NLRP5: variants seen among roughly 807,000 people sequenced by gnomAD.
The protein encoded by NLRP5 is NLR family pyrin domain containing 5, also known as NACHT, LRR and PYD domains-containing protein 5.
Under a neutral mutation model 113.1 loss-of-function variants are expected in NLRP5, and 93 were observed. The observed-to-expected ratio is 0.82, with a 90% CI of 0.70 to 0.98. NLRP5 has a LOEUF of 0.98. Among genes scored for constraint, NLRP5 ranks in the 50% least tolerant of loss-of-function variants. The pLI, the probability that NLRP5 is intolerant of heterozygous loss-of-function variation, is 0.00. For missense variants in NLRP5, 1,808 were observed against 1,514.3 expected (o/e 1.19, Z -3.22); for synonymous variants, 751 against 600.7 (o/e 1.25, Z -3.66).
chr19:56,037,114 A>T (rs1983346134), intron 9 of NLRP5, among the ~76,000 whole-genome samples: 1 of 152,182 alleles, frequency 6.6e-6, no homozygotes, highest in African/African-American at 2.4e-5. Context: ...ACTGAGTTGC[A>T]GAGATGCTAA....
intron 6 of NLRP5, among the ~76,000 whole-genome samples, chr19:56,022,230 C>T (rs1191540105): frequency 6.6e-6 from 1 of 152,156 alleles, no homozygotes; most frequent in Non-Finnish European, 1.5e-5. Context: ...CCACTCCACC[C>T]CTTTTTTGAA....
intron 2 of NLRP5, among the ~76,000 whole-genome samples, chr19:56,005,574 T>C (rs867351445): frequency 1.5e-5 from 2 of 129,712 alleles, no homozygotes; most frequent in African/African-American, 6.0e-5. Context: ...TATATATTTA[T>C]ACACACACGC....
In NLRP5 at chr19:56,042,080, C is replaced by T. The variant is rs10419303; in HGVS notation, c.2957+988C>T. Among the ~76,000 whole-genome samples, 385 of 152,280 alleles carry T rather than the reference C, an allele frequency of 2.5e-3. 1 individual carries two copies. The highest frequency in any genetic ancestry group is 8.9e-3 in the African/African-American group (371 of 41,566). On this transcript the variant is annotated intron_variant, in intron 11 of 14. Transcript: ENST00000390649. The stretch of plus-strand genomic sequence containing the variant: ...TCAGTTCAGCCTCCACTGGGAGCAA[C>T]GTGTGTCTGGAGACTCAAGTTCTTC...
intron 11 of NLRP5, among the ~76,000 whole-genome samples, chr19:56,043,542 CTTTTTTTTTTTTTTTTTTTTTTTTTTT>C (rs369622191): frequency 1.1e-5 from 1 of 92,920 alleles, no homozygotes; most frequent in Non-Finnish European, 2.0e-5. Context: ...CTCTGCTATT[CTTTTTTTTTTTTTTTTTTTTTTTTTTT>C]TTTTTTTTTT....
Position 56,006,226 on chromosome 19 carries a change from G to A in NLRP5, c.442+2131G>A, listed in dbSNP as rs146838444. Among the ~76,000 whole-genome samples the A allele has an allele frequency of 9.1e-4, 139 of 152,184 alleles. 1 individual carries two copies. Among genetic ancestry groups the A allele is most frequent in the African/African-American group, 2.9e-3 (122 of 41,516 alleles). ...CACTCATAGGTGGGAATTGAACAAT[G>A]AAAACGCTTGGACACAGGAAGGGGA... On this transcript the variant is annotated intron_variant, in intron 2 of 14. Coordinates refer to ENST00000390649, the MANE Select transcript of NLRP5 (RefSeq NM_153447.4).
chr19:56,000,962 A>G (rs988251573), intron 1 of NLRP5, among the ~76,000 whole-genome samples: 2 of 151,976 alleles, frequency 1.3e-5, no homozygotes, highest in Admixed American at 1.3e-4. Flanking sequence ...AGTAGAGATC[A>G]TGCCACTACA....
chr19:56,026,846 G>A, intron 6 of NLRP5, 67 bp from the exon 7 acceptor site: 1 of 1,480,938 alleles, frequency 6.8e-7, no homozygotes, highest in Non-Finnish European at 9.1e-7. Flanking sequence ...ACAGTGCTGG[G>A]ATGACAGGTG....
At chr19:56,001,309 C>G (rs1599874997) in intron 1 of NLRP5, among the ~76,000 whole-genome samples, 1 of 131,792 alleles carries the variant, frequency 7.6e-6, no homozygotes, top group South Asian at 2.5e-4. Context: ...TGGGCAACAG[C>G]AAGACTCAGT....
At chr19:56,024,529 A>ATATG (rs1491383351) in intron 6 of NLRP5, among the ~76,000 whole-genome samples, 6 of 53,224 alleles carry the variant, frequency 1.1e-4, no homozygotes, top group Admixed American at 7.3e-4. Flanking sequence ...GTATATGTAT[A>ATATG]CATATGTATA....
upstream of NLRP5, among the ~76,000 whole-genome samples, chr19:55,998,714 G>GTGTGTATATATATATATGTGTA (rs796632835): frequency 3.1e-3 from 235 of 75,950 alleles, 7 homozygotes; most frequent in East Asian, 0.085. Flanking sequence ...GTGTGTGTGT[G>GTGTGTATATATATATATGTGTA]TATATATATA....
At chr19:55,999,686 C>G (rs1167668278), upstream of NLRP5, 1 of 1,484,268 alleles carries the variant, frequency 6.7e-7, no homozygotes, top group East Asian at 2.3e-5. Context: ...GAGGAGAGCC[C>G]AGCCTTCGAT....
chr19:56,038,922 C>G (rs895497584), intron 10 of NLRP5, among the ~76,000 whole-genome samples: 2 of 152,166 alleles, frequency 1.3e-5, no homozygotes, highest in East Asian at 3.9e-4. Flanking sequence ...GTGATCCTCC[C>G]GTCTTGGCCT....
At chr19:56,013,601 T>TTTTTTG (rs1982292756) in intron 3 of NLRP5, among the ~76,000 whole-genome samples, 2 of 132,454 alleles carry the variant, frequency 1.5e-5, no homozygotes, top group East Asian at 2.4e-4. Context: ...TTTGGGTTTT[T>TTTTTTG]TTTTTTTTTT....
intron 11 of NLRP5, among the ~76,000 whole-genome samples, chr19:56,049,698 A>AT (rs955427812): frequency 7.1e-4 from 107 of 151,744 alleles, no homozygotes; most frequent in African/African-American, 1.8e-3. Context: ...AAGTTTCCTG[A>AT]TTTTTTTTTA....
At chr19:56,029,215 GGTGA>G (rs202126197) in intron 7 of NLRP5, among the ~76,000 whole-genome samples, 2,326 of 140,996 alleles carry the variant, frequency 0.016, 61 homozygotes, top group African/African-American at 0.053. Flanking sequence ...TCTGAAACAT[GGTGA>G]GTGAGACTGT....
rs989109013 is a variant in NLRP5 at position 56,061,513 on chromosome 19, C to A, written c.3588C>A (p.Tyr1196Ter). The change falls in exon 15 of 15, where the codon TAC (tyrosine) becomes TAA (stop). Residue 1196 changes from tyrosine to a stop codon, truncating the protein, a stop_gained. Coordinates refer to ENST00000390649, the MANE Select transcript of NLRP5 (RefSeq NM_153447.4). LOFTEE classifies it high-confidence loss of function. Reference sequence around the variant, plus strand: ...ATTCTTTTGATGAAGATGACCGGTACTGGTGGAAAAACTGAAGATACGGAA... The same window carrying A: ...ATTCTTTTGATGAAGATGACCGGTAATGGTGGAAAAACTGAAGATACGGAA... 4 of 1,613,872 alleles carry A rather than the reference C, an allele frequency of 2.5e-6. No individual in the cohort carries two copies. Among genetic ancestry groups the A allele is most frequent in the Non-Finnish European group, 3.4e-6 (4 of 1,179,882 alleles).
chr19:56,042,271 A>T (rs1432603020), intron 11 of NLRP5, among the ~76,000 whole-genome samples: 1 of 147,524 alleles, frequency 6.8e-6, no homozygotes, highest in African/African-American at 2.7e-5. Flanking sequence ...TGCTAGTGAT[A>T]CAGACACAAT....
intron 12 of NLRP5, among the ~76,000 whole-genome samples, chr19:56,051,091 G>T (rs958630453): frequency 2.0e-5 from 3 of 152,120 alleles, no homozygotes; most frequent in African/African-American, 7.2e-5. Flanking sequence ...ATGTCTTCTG[G>T]GGTTCTCTTG....
chr19:55,990,379 G>GT, the NLRP5 span, among the ~76,000 whole-genome samples: 9 of 152,010 alleles, frequency 5.9e-5, no homozygotes, highest in South Asian at 2.1e-4. Context: ...GTCATATGCA[G>GT]TTTTTTAACT....
Sources: gnomAD v4.1 joint callset for allele counts (sites outside exome capture counted in the v4.1 genomes callset) on GRCh38, gnomAD v4.1.1 for gene constraint, MANE v1.5 for transcripts, NCBI Gene and HGNC (gene_info 2026-07-23, HGNC 2026-07-21) for gene names.